The following ROBO2 variants were observed in gnomAD, a reference collection of about 807,000 sequenced individuals.
The protein encoded by ROBO2 is roundabout homolog 2.
A neutral mutation model predicts 160.8 loss-of-function variants in ROBO2; 53 were observed. The ratio of observed to expected loss-of-function variants is 0.33; its 90% CI spans 0.26 to 0.41. The LOEUF (loss-of-function observed/expected upper bound fraction) is 0.41. Ranked by LOEUF, ROBO2 falls within the 10% of genes least tolerant of loss-of-function variation. The probability of loss-of-function intolerance (pLI) is 1.00; values close to 1 mark genes in which losing one functional copy is unlikely to be tolerated. For synonymous variants in ROBO2, 664 were observed against 611.7 expected (o/e 1.09, Z -1.26); for missense variants, 1,577 against 1,722.4 (o/e 0.92, Z 1.49).
chr3:76,415,207 C>T (rs750062878), intron 2 of ROBO2, among the ~76,000 whole-genome samples: 4 of 152,134 alleles, frequency 2.6e-5, no homozygotes, highest in Non-Finnish European at 5.9e-5. Context: ...AACTTTTTCA[C>T]TTCACGGGGT....
At chr3:77,499,651 CTT>C (rs548250821) in intron 5 of ROBO2, among the ~76,000 whole-genome samples, 16,740 of 135,560 alleles carry the variant, frequency 0.12, 878 homozygotes, top group East Asian at 0.2. Context: ...ATCACTTACG[CTT>C]TTTTTTTTTT....
At chr3:76,500,081 T>C (rs13093494) in intron 2 of ROBO2, among the ~76,000 whole-genome samples, 47,038 of 152,022 alleles carry the variant, frequency 0.31, 9,002 homozygotes, top group East Asian at 0.42. Flanking sequence ...GTTTTAAAAC[T>C]TGGGGTGGTG....
chr3:76,938,997 G>T (rs1466545277), intron 2 of ROBO2, among the ~76,000 whole-genome samples: 48 of 118,144 alleles, frequency 4.1e-4, no homozygotes, highest in African/African-American at 1.4e-3. Context: ...AAAAAAAAAA[G>T]TAGCCCCACA....
chr3:76,561,164 G>C (rs973790231), intron 2 of ROBO2, among the ~76,000 whole-genome samples: 1 of 151,402 alleles, frequency 6.6e-6, no homozygotes, highest in African/African-American at 2.4e-5. Context: ...ACCTTAACTA[G>C]ATAACGTATA....
intron 2 of ROBO2, among the ~76,000 whole-genome samples, chr3:77,129,754 C>G (rs1435229959): frequency 1.3e-5 from 2 of 152,006 alleles, no homozygotes; most frequent in Non-Finnish European, 2.9e-5. Flanking sequence ...AGCATACTTC[C>G]CAGTTGTAAT....
intron 2 of ROBO2, among the ~76,000 whole-genome samples, chr3:76,073,070 A>T (rs1209028413): frequency 2.0e-5 from 3 of 152,036 alleles, no homozygotes; most frequent in African/African-American, 7.2e-5. Flanking sequence ...GTCACTTGAA[A>T]TGTTGGAATG....
At chr3:76,115,858 A>G (rs72894574) in intron 2 of ROBO2, among the ~76,000 whole-genome samples, 2,381 of 152,218 alleles carry the variant, frequency 0.016, 64 homozygotes, top group African/African-American at 0.052. Flanking sequence ...GGTTCCCCCA[A>G]GGACACTGAC....
exon 26 of ROBO2, chr3:77,649,839 T>A (rs2153727043): frequency 6.6e-6 from 1 of 152,286 alleles, no homozygotes; most frequent in East Asian, 1.9e-4. Flanking sequence ...ATCCAAAATC[T>A]TAATGTGTTT....
intron 2 of ROBO2, among the ~76,000 whole-genome samples, chr3:76,790,980 T>C (rs577713777): frequency 1.3e-5 from 2 of 151,738 alleles, no homozygotes; most frequent in Non-Finnish European, 2.9e-5. Context: ...TGTTTTAGGA[T>C]TACTTGAGAT....
chr3:76,869,342 GTTTTTTTTTT>G (rs34051755), intron 2 of ROBO2, among the ~76,000 whole-genome samples: 1 of 71,356 alleles, frequency 1.4e-5, no homozygotes, highest in Non-Finnish European at 2.6e-5. Context: ...AGAAATTGAT[GTTTTTTTTTT>G]TTTTTTTTTT....
At chr3:77,436,152 A>C (rs2079260294) in intron 2 of ROBO2, among the ~76,000 whole-genome samples, 1 of 148,946 alleles carries the variant, frequency 6.7e-6, no homozygotes, top group African/African-American at 2.5e-5. Context: ...ATATTCCTGC[A>C]GTTTTTTTTA....
chr3:77,345,409 T>C (rs2067524871), intron 2 of ROBO2, among the ~76,000 whole-genome samples: 1 of 152,048 alleles, frequency 6.6e-6, no homozygotes, highest in Non-Finnish European at 1.5e-5. Flanking sequence ...GTGAGAGGGG[T>C]CTACATGAGG....
intron 2 of ROBO2, among the ~76,000 whole-genome samples, chr3:77,429,889 G>A (rs2078602740): frequency 6.6e-6 from 1 of 152,100 alleles, no homozygotes; most frequent in Non-Finnish European, 1.5e-5. Flanking sequence ...ACTAATGACT[G>A]TATCTCAAGA....
intron 2 of ROBO2, among the ~76,000 whole-genome samples, chr3:76,695,829 G>T (rs2092915469): frequency 6.6e-6 from 1 of 152,110 alleles, no homozygotes; most frequent in Non-Finnish European, 1.5e-5. Context: ...CAGGTAGTCT[G>T]GCTTCCTTCC....
At chr3:76,020,892 A>G (rs2066555874) in intron 2 of ROBO2, among the ~76,000 whole-genome samples, 2 of 151,834 alleles carry the variant, frequency 1.3e-5, no homozygotes, top group African/African-American at 4.8e-5. Flanking sequence ...CTTACATCTT[A>G]CTTTTGAATT....
intron 2 of ROBO2, among the ~76,000 whole-genome samples, chr3:76,684,435 G>T (rs2092641362): frequency 6.6e-6 from 1 of 152,140 alleles, no homozygotes; most frequent in Non-Finnish European, 1.5e-5. Flanking sequence ...ATCCCACAGG[G>T]AAAGAGTAGG....
intron 2 of ROBO2, among the ~76,000 whole-genome samples, chr3:77,373,076 AATT>A (rs1474046243): frequency 1.9e-4 from 28 of 147,224 alleles, no homozygotes; most frequent in African/African-American, 6.6e-4. Context: ...AAATAATTAA[AATT>A]ATTATAAAAT....
chr3:77,289,455 G>T (rs1187429715), intron 2 of ROBO2, among the ~76,000 whole-genome samples: 1 of 151,486 alleles, frequency 6.6e-6, no homozygotes, highest in Non-Finnish European at 1.5e-5. Flanking sequence ...AAAATTGATG[G>T]TTAAATGGGA....
chr3:77,080,070 C>T (rs779941910), intron 1 of ROBO2, among the ~76,000 whole-genome samples: 8 of 152,130 alleles, frequency 5.3e-5, no homozygotes, highest in Non-Finnish European at 1.0e-4. Context: ...CAAATGAGCA[C>T]GTTTTACTTT....
Sources: gnomAD v4.1 joint callset for allele counts (sites outside exome capture counted in the v4.1 genomes callset) on GRCh38, gnomAD v4.1.1 for gene constraint, MANE v1.5 for transcripts, NCBI Gene and HGNC (gene_info 2026-07-23, HGNC 2026-07-21) for gene names.